Variants in SEC31B observed in about 807,000 individuals in gnomAD.
SEC31B encodes the protein protein transport protein Sec31B.
Under a neutral mutation model 135.0 loss-of-function variants are expected in SEC31B, and 113 were observed. The observed-to-expected ratio is 0.84, with a 90% CI of 0.72 to 0.98. SEC31B has a LOEUF of 0.98. Ranked by LOEUF, SEC31B falls within the 50% of genes least tolerant of loss-of-function variation. The probability of loss-of-function intolerance (pLI) is 0.00; values close to 1 mark genes in which losing one functional copy is unlikely to be tolerated. For synonymous variants in SEC31B, 508 were observed against 549.4 expected, an observed-to-expected ratio of 0.92 and a Z score of 1.05; for missense variants, 1,296 against 1,421.1, an observed-to-expected ratio of 0.91 and a Z score of 1.42.
At chr10:100,489,471 A>C (rs1265612904) in intron 22 of SEC31B, 73 bp from the exon 23 acceptor site, 2 of 1,542,592 alleles carry the variant, frequency 1.3e-6, no homozygotes, top group East Asian at 2.3e-5. Flanking sequence ...GAGTGGCAGG[A>C]ATGACAGTGA....
At chr10:100,516,734 T>A in intron 2 of SEC31B, 140 bp downstream of exon 2, 1 of 487,914 alleles carries the variant, frequency 2.0e-6, no homozygotes, top group Non-Finnish European at 3.7e-6. Context: ...ACACCTAATA[T>A]CTCCTTGCTT....
At chr10:100,488,678 T>C (rs369868972) in intron 24 of SEC31B, among the ~76,000 whole-genome samples, 180 bp downstream of exon 24, 1 of 152,084 alleles carries the variant, frequency 6.6e-6, no homozygotes, top group African/African-American at 2.4e-5. Context: ...GGAGCTGGAC[T>C]TCAGACCAGA....
At chr10:100,488,398 G>T (rs1036659158) in intron 24 of SEC31B, among the ~76,000 whole-genome samples, 2 of 148,068 alleles carry the variant, frequency 1.4e-5, no homozygotes, top group Non-Finnish European at 3.0e-5. Flanking sequence ...GGCAGAGCTT[G>T]CAGTGAGCCG....
chr10:100,489,980 A>C, intron 21 of SEC31B, 28 bp downstream of exon 21: 3 of 1,532,998 alleles, frequency 2.0e-6, no homozygotes, highest in Non-Finnish European at 2.6e-6. Flanking sequence ...AATAACCCAG[A>C]AGAGGGATCC....
In SEC31B at chr10:100,487,557, C is replaced by T; in HGVS notation, c.*59G>A. ...GAATCTGTTGCAGAAGTCCCCTCTT[C>T]TGCAGGGAGGAGTTATGTAACAGCA... On this transcript the variant is annotated 3_prime_UTR_variant, in exon 26 of 26. Transcript: ENST00000370345. The T allele has an allele frequency of 6.8e-7, 1 of 1,472,042 alleles. No homozygotes were observed. Among genetic ancestry groups the T allele is most frequent in the East Asian group, 2.4e-5 (1 of 42,372 alleles). 91.2% of individuals were successfully genotyped at this position (1,472,042 alleles called of 1,614,324 possible). A position where few individuals can be genotyped will look rare whatever the true frequency, so the allele number is the denominator to read the frequency against.
chr10:100,500,623 T>C (rs1851504090), intron 11 of SEC31B, among the ~76,000 whole-genome samples: 1 of 151,832 alleles, frequency 6.6e-6, no homozygotes, highest in African/African-American at 2.4e-5. Context: ...GCCTTGTGAG[T>C]CTAAATGTTT....
At chr10:100,498,502 G>A (rs561973064) in intron 14 of SEC31B, among the ~76,000 whole-genome samples, 3 of 152,152 alleles carry the variant, frequency 2.0e-5, no homozygotes, top group Admixed American at 1.3e-4. Context: ...AAATCTGTTG[G>A]TAGAAGGCCT....
In SEC31B at chr10:100,499,296, G is replaced by C. The variant is rs9420793; in HGVS notation, c.1486-38C>G. On this transcript the variant is annotated intron_variant, in intron 12 of 25. Coordinates refer to ENST00000370345, the MANE Select transcript of SEC31B (RefSeq NM_015490.4). ...ACCTCTGAAAACCGCTCTTTCAAGC[G>C]TAAGATCAAATAAGCATTATCCTCT... 1.7e-5 allele frequency: 26 copies of C among 1,492,236 alleles called. No homozygotes were observed. The East Asian group carries it at 1.9e-4, about 11-fold the overall frequency. The allele number at this position is 1,492,236 out of a possible 1,614,324, so 92.4% of individuals were successfully genotyped here.
chr10:100,505,622 T>C, intron 9 of SEC31B, 127 bp from the exon 10 acceptor site: 1 of 1,451,944 alleles, frequency 6.9e-7, no homozygotes, highest in Non-Finnish European at 9.0e-7. Flanking sequence ...CAGACTCCCA[T>C]ATTCCAGGGG....
chr10:100,493,794 T>A (rs1304812501), intron 19 of SEC31B, among the ~76,000 whole-genome samples: 2 of 152,176 alleles, frequency 1.3e-5, no homozygotes, highest in Non-Finnish European at 2.9e-5. Context: ...ATCCATGGAT[T>A]GTACTAATGG....
chr10:100,509,775 T>G (rs1179872277), intron 3 of SEC31B, among the ~76,000 whole-genome samples: 1 of 152,190 alleles, frequency 6.6e-6, no homozygotes, highest in Non-Finnish European at 1.5e-5. Flanking sequence ...TATACATATA[T>G]ATGTACATTT....
intron 17 of SEC31B, 67 bp from the exon 18 acceptor site, chr10:100,496,498 G>A: frequency 6.5e-7 from 1 of 1,535,574 alleles, no homozygotes; most frequent in South Asian, 1.2e-5. Flanking sequence ...AGTCCACGCA[G>A]CTCATTCAGG....
At chr10:100,499,646 T>G (rs755241390) in intron 11 of SEC31B, 48 bp from the exon 12 acceptor site, 1 of 1,371,638 alleles carries the variant, frequency 7.3e-7, no homozygotes, top group South Asian at 1.2e-5. Context: ...TGAACATAAA[T>G]GACGCTCTTC....
chr10:100,492,751 T>C (rs1463726769), intron 19 of SEC31B, among the ~76,000 whole-genome samples: 1 of 152,166 alleles, frequency 6.6e-6, no homozygotes, highest in Admixed American at 6.5e-5. Context: ...ATCAACTGCA[T>C]TTCTATATAC....
At position 100,487,729 on chromosome 10, in the gene SEC31B, G is replaced by C; in HGVS notation, c.3427C>G (p.Gln1143Glu). The change falls in exon 26 of 26, where the codon CAG (glutamine) becomes GAG (glutamate). Residue 1143 changes from glutamine (Q) to glutamate (E), a missense_variant. Physicochemically the swap from Gln to Glu is conservative, Grantham distance 29 (BLOSUM62 2). Transcript: ENST00000370345. ...ARCVDAGSFE[Q>E]GLAVHAQVAG... ...ACCTGGGCATGCACTGCAAGGCCCTGCTCAAAGCTTCCTGCATCCACACAT... is the reference window on the plus strand; with the variant it reads ...ACCTGGGCATGCACTGCAAGGCCCTCCTCAAAGCTTCCTGCATCCACACAT... The C allele has an allele frequency of 1.2e-6, 2 of 1,614,000 alleles. No individual in the cohort carries two copies. Among genetic ancestry groups the C allele is most frequent in the Non-Finnish European group, 1.7e-6 (2 of 1,179,980 alleles).
chr10:100,489,005 G>A, intron 23 of SEC31B, 31 bp from the exon 24 acceptor site: 1 of 1,577,810 alleles, frequency 6.3e-7, no homozygotes, highest in Non-Finnish European at 8.6e-7. Context: ...AGAAAGGCCA[G>A]AGGGGCAAGC....
chr10:100,497,943 T>G (rs1281610695), intron 15 of SEC31B, 86 bp downstream of exon 15: 1 of 1,578,450 alleles, frequency 6.3e-7, no homozygotes, highest in Non-Finnish European at 8.7e-7. Context: ...AGGCAGATAC[T>G]CAAACATGGG....
At position 100,506,357 on chromosome 10, in the gene SEC31B, G is replaced by A; in HGVS notation, c.846C>T (p.Asp282=). The change falls in exon 8 of 26, where the codon GAC becomes GAT. Residue 282 remains aspartate (D), a synonymous_variant. Transcript: ENST00000370345. ...CCAGGTTCCGGCACAAGATCTGGCTGTCCTTAGCACTAGTGAGCAGCAGCT... is the reference window on the plus strand; with the variant it reads ...CCAGGTTCCGGCACAAGATCTGGCTATCCTTAGCACTAGTGAGCAGCAGCT... ...DAELLLTSAK[D]SQILCRNLGS... The A allele has an allele frequency of 6.2e-7, 1 of 1,614,134 alleles. No homozygotes were observed. The highest frequency in any genetic ancestry group is 8.5e-7 in the Non-Finnish European group (1 of 1,180,036).
chr10:100,505,744 A>C, intron 9 of SEC31B: 1 of 1,412,762 alleles, frequency 7.1e-7, no homozygotes, highest in Non-Finnish European at 9.2e-7. Flanking sequence ...TCTATAGAAG[A>C]GAGAAAGATA....
Sources: allele counts gnomAD v4.1 joint callset (sites outside exome capture counted in the v4.1 genomes callset), GRCh38; gene constraint gnomAD v4.1.1; transcripts MANE v1.5; gene names NCBI Gene and HGNC (gene_info 2026-07-23, HGNC 2026-07-21).